Variants in SNTB1 observed in about 807,000 individuals in gnomAD.
SNTB1 encodes syntrophin beta 1.
Under a neutral mutation model 48.9 loss-of-function variants are expected in SNTB1, and 36 were observed. The observed-to-expected ratio is 0.74, with a 90% CI of 0.56 to 0.97. SNTB1 has a LOEUF of 0.97. SNTB1 is among the 50% of genes least tolerant of loss of function. The pLI is 0.00. For synonymous variants in SNTB1, 299 were observed against 294.6 expected (o/e 1.01, Z -0.15); for missense variants, 786 against 703.4 (o/e 1.12, Z -1.33).
chr8:120,789,328 G>C (rs1464430071), intron 1 of SNTB1, among the ~76,000 whole-genome samples: 2 of 150,848 alleles, frequency 1.3e-5, no homozygotes, highest in Non-Finnish European at 3.0e-5. Flanking sequence ...CATGCCTCAA[G>C]GAAGTAGAAA....
At chr8:120,796,025 C>T (rs1390303179) in intron 1 of SNTB1, among the ~76,000 whole-genome samples, 2 of 152,042 alleles carry the variant, frequency 1.3e-5, no homozygotes, top group East Asian at 3.9e-4. Context: ...TTTGTAATCC[C>T]CCAGGTTGGA....
At chr8:120,616,510 C>G in intron 3 of SNTB1, among the ~76,000 whole-genome samples, 1 of 147,714 alleles carries the variant, frequency 6.8e-6, no homozygotes, top group East Asian at 2.0e-4. Flanking sequence ...ATGGGGGGCT[C>G]TTGATACATT....
At chr8:120,775,019 A>C (rs4871130) in intron 1 of SNTB1, among the ~76,000 whole-genome samples, 76,377 of 151,970 alleles carry the variant, frequency 0.5, 22,733 homozygotes, top group African/African-American at 0.84. Flanking sequence ...GCACATTGAG[A>C]AGTACTATCT....
intron 1 of SNTB1, among the ~76,000 whole-genome samples, chr8:120,702,629 C>T (rs1053628651): frequency 2.6e-5 from 4 of 151,708 alleles, no homozygotes; most frequent in Admixed American, 6.5e-5. Context: ...CCATAAACAT[C>T]GTGATGATGG....
intron 3 of SNTB1, among the ~76,000 whole-genome samples, chr8:120,600,056 G>A (rs1402764346): frequency 1.3e-5 from 2 of 152,332 alleles, no homozygotes; most frequent in East Asian, 1.9e-4. Flanking sequence ...GAATATTTCA[G>A]TTCACCTCTT....
intron 4 of SNTB1, among the ~76,000 whole-genome samples, chr8:120,569,082 G>A (rs929700903): frequency 6.6e-6 from 1 of 152,216 alleles, no homozygotes; most frequent in Non-Finnish European, 1.5e-5. Context: ...CCAGGTTCAA[G>A]CGATTCTCAT....
At chr8:120,571,266 C>T in intron 4 of SNTB1, 1 of 1,283,770 alleles carries the variant, frequency 7.8e-7, no homozygotes, top group Non-Finnish European at 1.0e-6. Flanking sequence ...TCCAACTTTG[C>T]TTCTTAGTAA....
intron 3 of SNTB1, among the ~76,000 whole-genome samples, chr8:120,594,218 C>T (rs991121073): frequency 2.6e-5 from 4 of 151,964 alleles, no homozygotes; most frequent in South Asian, 2.1e-4. Context: ...GGCATCCCAC[C>T]GCACTGAGCT....
chr8:120,593,765 G>GT (rs1435383039), intron 3 of SNTB1, among the ~76,000 whole-genome samples: 1 of 152,170 alleles, frequency 6.6e-6, no homozygotes, highest in African/African-American at 2.4e-5. Context: ...TTGGACAGAG[G>GT]TTTTTCCTAA....
At chr8:120,539,063 C>T (rs1815244472) in intron 6 of SNTB1, 94 bp from the exon 7 acceptor site, 1 of 871,584 alleles carries the variant, frequency 1.1e-6, no homozygotes, top group Non-Finnish European at 1.8e-6. Flanking sequence ...TATGCACTTC[C>T]TTCTTTTAAA....
At chr8:120,670,119 C>CTAT (rs1817734672) in intron 2 of SNTB1, among the ~76,000 whole-genome samples, 1 of 152,152 alleles carries the variant, frequency 6.6e-6, no homozygotes, top group African/African-American at 2.4e-5. Flanking sequence ...TGTTGAGCAC[C>CTAT]TATTATGTGC....
chr8:120,600,717 A>C (rs1244654415), intron 3 of SNTB1, among the ~76,000 whole-genome samples: 2 of 152,030 alleles, frequency 1.3e-5, no homozygotes, highest in Non-Finnish European at 2.9e-5. Flanking sequence ...ATAGTTTTGC[A>C]GTTCAGTTTG....
intron 3 of SNTB1, among the ~76,000 whole-genome samples, chr8:120,612,484 T>A (rs1563831501): frequency 6.6e-6 from 1 of 152,204 alleles, no homozygotes; most frequent in Non-Finnish European, 1.5e-5. Context: ...GCTGAAAATA[T>A]AGATTTCCAA....
At chr8:120,694,923 A>G in intron 1 of SNTB1, among the ~76,000 whole-genome samples, 1 of 152,198 alleles carries the variant, frequency 6.6e-6, no homozygotes, top group East Asian at 1.9e-4. Flanking sequence ...ATAACTTAAG[A>G]AAACAAAAAT....
chr8:120,545,290 G>A (rs1488020680), intron 5 of SNTB1, among the ~76,000 whole-genome samples: 2 of 152,162 alleles, frequency 1.3e-5, no homozygotes, highest in Admixed American at 1.3e-4. Context: ...GTTGCAGGGA[G>A]CCGAGATCAT....
chr8:120,613,795 T>C (rs1816665169), intron 3 of SNTB1, among the ~76,000 whole-genome samples: 1 of 152,238 alleles, frequency 6.6e-6, no homozygotes. Flanking sequence ...ATTAAACAAA[T>C]TCAAATGTAT....
At chr8:120,571,303 C>A in intron 4 of SNTB1, 1 of 1,288,286 alleles carries the variant, frequency 7.8e-7, no homozygotes, top group Non-Finnish European at 1.0e-6. Flanking sequence ...GTGGTCTAAT[C>A]TTTCTTTGGT....
intron 3 of SNTB1, among the ~76,000 whole-genome samples, chr8:120,612,010 C>G (rs1033843101): frequency 2.0e-5 from 3 of 152,034 alleles, no homozygotes; most frequent in Admixed American, 2.0e-4. Context: ...TCCCTCCAAA[C>G]AGAGTGAGTC....
At chr8:120,705,902 A>G (rs1396355075) in intron 1 of SNTB1, among the ~76,000 whole-genome samples, 1 of 152,170 alleles carries the variant, frequency 6.6e-6, no homozygotes, top group Non-Finnish European at 1.5e-5. Flanking sequence ...AGGCAATACA[A>G]TGTAGTGGTT....
Sources: gnomAD v4.1 joint callset for allele counts (sites outside exome capture counted in the v4.1 genomes callset) on GRCh38, gnomAD v4.1.1 for gene constraint, MANE v1.5 for transcripts, NCBI Gene and HGNC (gene_info 2026-07-23, HGNC 2026-07-21) for gene names.